LRPPRC: variants seen among roughly 807,000 people sequenced by gnomAD.
LRPPRC encodes leucine rich pentatricopeptide repeat containing.
Under a neutral mutation model 180.3 loss-of-function variants are expected in LRPPRC, and 120 were observed. That is an observed-to-expected ratio of 0.67 (90% confidence interval 0.57 to 0.77). The LOEUF (loss-of-function observed/expected upper bound fraction) is 0.77. Ranked by LOEUF, LRPPRC falls within the 30% of genes least tolerant of loss-of-function variation. The pLI is 0.00. For missense variants in LRPPRC, 2,012 were observed against 1,657.2 expected, an observed-to-expected ratio of 1.21 and a Z score of -3.72; for synonymous variants, 723 against 600.0, an observed-to-expected ratio of 1.21 and a Z score of -3.00.
chr2:43,933,800 T>C (rs1372699642), intron 25 of LRPPRC, among the ~76,000 whole-genome samples: 3 of 152,200 alleles, frequency 2.0e-5, no homozygotes, highest in Non-Finnish European at 4.4e-5. Context: ...CAAATAAATC[T>C]TGAGCATGGT....
intron 2 of LRPPRC, among the ~76,000 whole-genome samples, chr2:43,980,967 T>C (rs1048626826): frequency 2.6e-5 from 4 of 152,184 alleles, no homozygotes; most frequent in East Asian, 1.9e-4. Context: ...TACATAACTA[T>C]AGTAATAATT....
chr2:43,974,124 C>G (rs773791646), intron 9 of LRPPRC, 26 bp downstream of exon 9: 1 of 1,601,024 alleles, frequency 6.2e-7, no homozygotes, highest in South Asian at 1.1e-5. Flanking sequence ...ATTACATTGT[C>G]TACAAAGTAA....
intron 11 of LRPPRC, among the ~76,000 whole-genome samples, chr2:43,969,848 T>C (rs1673725869): frequency 1.3e-5 from 2 of 152,100 alleles, no homozygotes; most frequent in African/African-American, 4.8e-5. Flanking sequence ...CTAATTTTTC[T>C]ATTTTTTTGT....
At chr2:43,961,830 G>A (rs571096452) in intron 12 of LRPPRC, among the ~76,000 whole-genome samples, 1 of 152,010 alleles carries the variant, frequency 6.6e-6, no homozygotes, top group South Asian at 2.1e-4. Context: ...GTGTGGTGGT[G>A]GGCACCTGTA....
chr2:43,931,491 C>A (rs909345631), intron 25 of LRPPRC, among the ~76,000 whole-genome samples: 1 of 152,162 alleles, frequency 6.6e-6, no homozygotes, highest in South Asian at 2.1e-4. Flanking sequence ...AAGGGAGGAA[C>A]CTCTTTGCTG....
intron 30 of LRPPRC, among the ~76,000 whole-genome samples, chr2:43,909,892 A>G (rs921562621): frequency 2.4e-4 from 37 of 152,190 alleles, no homozygotes; most frequent in Admixed American, 2.0e-4. Context: ...GCTTACAACT[A>G]TCTTCCAGGT....
chr2:43,971,434 G>T (rs192500013), intron 11 of LRPPRC, among the ~76,000 whole-genome samples: 5 of 119,708 alleles, frequency 4.2e-5, no homozygotes, highest in African/African-American at 1.6e-4. Flanking sequence ...ACAGAAACTT[G>T]ATTATTATAC....
rs1390956301 is a variant in LRPPRC, at chr2:43,918,293, CTAAGGATTTCTGCTAA to C, written c.2986_3001del (p.Leu996GlufsTer23). ...AAACGGAACTTCCTGGTTACCCTCT[CTAAGGATTTCTGCTAA>C]TAATCTTAATGTCTTTTCACGAGGA... is the stretch of plus-strand genomic sequence containing the variant. On this transcript the variant is annotated frameshift_variant, in exon 28 of 38. Transcript: ENST00000260665. LOFTEE classifies it high-confidence loss of function. The C allele has an allele frequency of 2.5e-6, 4 of 1,612,628 alleles. No homozygotes were observed. Among genetic ancestry groups the C allele is most frequent in the Non-Finnish European group, 3.4e-6 (4 of 1,178,822 alleles).
chr2:43,905,985 A>G (rs1164862365), intron 30 of LRPPRC, among the ~76,000 whole-genome samples: 2 of 152,236 alleles, frequency 1.3e-5, no homozygotes, highest in African/African-American at 4.8e-5. Flanking sequence ...CAGATGACAA[A>G]GTTGGAAATG....
At chr2:43,978,560 C>T (rs1199787672) in intron 3 of LRPPRC, among the ~76,000 whole-genome samples, 2 of 152,010 alleles carry the variant, frequency 1.3e-5, no homozygotes, top group African/African-American at 4.8e-5. Context: ...TACTGACATA[C>T]AGAAATTTCT....
At chr2:43,945,524 T>G in intron 21 of LRPPRC, 107 bp from the exon 22 acceptor site, 1 of 736,788 alleles carries the variant, frequency 1.4e-6, no homozygotes, top group Non-Finnish European at 2.5e-6. Context: ...AGACCTGAAC[T>G]AATGTTGGCC....
chr2:43,913,870 T>C (rs1198773940), intron 29 of LRPPRC, among the ~76,000 whole-genome samples: 1 of 152,234 alleles, frequency 6.6e-6, no homozygotes, highest in African/African-American at 2.4e-5. Context: ...ATTTACTGAT[T>C]ATTCCATCAG....
At chr2:43,996,010 G>T (rs1473610536), upstream of LRPPRC, 5 of 1,500,024 alleles carry the variant, frequency 3.3e-6, no homozygotes, top group Non-Finnish European at 4.4e-6. Flanking sequence ...GCATGTGACC[G>T]CAGGGTAGCC....
intron 30 of LRPPRC, among the ~76,000 whole-genome samples, chr2:43,910,874 CTT>C (rs1359178247): frequency 1.3e-5 from 2 of 152,012 alleles, no homozygotes; most frequent in Non-Finnish European, 2.9e-5. Flanking sequence ...TTTCAGAGGT[CTT>C]TGTGACCAAA....
rs1672643402 is a variant in LRPPRC at position 43,945,385 on chromosome 2, G to A, written c.2243C>T (p.Thr748Ile). The A allele has an allele frequency of 6.2e-7, 1 of 1,612,278 alleles. No homozygotes were observed. The highest frequency in any genetic ancestry group is 8.5e-7 in the Non-Finnish European group (1 of 1,178,550). ...DRLDSSAVLD[T>I]GKYVGLVRVL... ...TCTTACAAGGCCTACATACTTGCCG[G>A]TGTCAAGGACAGCAGATGAATCTAA... The change falls in exon 22 of 38, where the codon ACC becomes ATC. Residue 748 changes from threonine (T) to isoleucine (I), a missense_variant. Thr to Ile is a moderately conservative substitution (Grantham distance 89). Transcript: ENST00000260665.
At chr2:43,894,770 T>A in intron 35 of LRPPRC, 141 bp from the exon 36 acceptor site, 1 of 628,034 alleles carries the variant, frequency 1.6e-6, no homozygotes, top group Non-Finnish European at 2.9e-6. Flanking sequence ...TATTGTCCCT[T>A]GTATATTAGC....
intron 14 of LRPPRC, among the ~76,000 whole-genome samples, chr2:43,954,133 T>C (rs374348851): frequency 1.3e-5 from 2 of 152,206 alleles, no homozygotes; most frequent in African/African-American, 4.8e-5. Flanking sequence ...CTCCTTCCAG[T>C]AACTATCCAA....
rs1326224487 is a variant in LRPPRC at position 43,974,156 on chromosome 2, C to T, written c.1149G>A (p.Met383Ile). 1 of 1,613,554 alleles carries T rather than the reference C, an allele frequency of 6.2e-7. No homozygotes were observed. Among genetic ancestry groups the T allele is most frequent in the Admixed American group, 1.7e-5 (1 of 60,014 alleles). Residue 383 changes from methionine to isoleucine, a missense_variant, in exon 9 of 38, where the codon ATG becomes ATA. Transcript: ENST00000260665. ...GSFFLQHCVT[M>I]NTPVEKLTDY... ...GTAAAAGTGGACAGAATACCGTATTCATAGTCACACAGTGTTGTAAAAAGA... is the reference window on the plus strand; with the variant it reads ...GTAAAAGTGGACAGAATACCGTATTTATAGTCACACAGTGTTGTAAAAAGA...
intron 36 of LRPPRC, among the ~76,000 whole-genome samples, chr2:43,891,920 C>T (rs1448684770): frequency 6.6e-6 from 1 of 152,214 alleles, no homozygotes; most frequent in East Asian, 1.9e-4. Flanking sequence ...TCACTGAACA[C>T]ACAAATGATA....
Sources: allele counts gnomAD v4.1 joint callset (sites outside exome capture counted in the v4.1 genomes callset), GRCh38; gene constraint gnomAD v4.1.1; transcripts MANE v1.5; gene names NCBI Gene and HGNC (gene_info 2026-07-23, HGNC 2026-07-21).